The following ATP2B2 variants were observed in gnomAD, a reference collection of about 807,000 sequenced individuals.
The protein encoded by ATP2B2 is ATPase plasma membrane Ca2+ transporting 2.
Under a neutral mutation model 120.0 loss-of-function variants are expected in ATP2B2, and 15 were observed. That is an observed-to-expected ratio of 0.12 (90% CI 0.08 to 0.19). The LOEUF is 0.19. Among genes scored for constraint, ATP2B2 ranks in the 10% least tolerant of loss-of-function variants. The pLI is 1.00. For missense variants in ATP2B2, 1,045 were observed against 1,719.8 expected, an observed-to-expected ratio of 0.61 and a Z score of 6.94; for synonymous variants, 694 against 700.3, an observed-to-expected ratio of 0.99 and a Z score of 0.14.
intron 1 of ATP2B2, among the ~76,000 whole-genome samples, chr3:10,692,461 G>A (rs1012911338): frequency 3.3e-5 from 5 of 152,316 alleles, no homozygotes; most frequent in African/African-American, 7.2e-5. Flanking sequence ...GGGACACATC[G>A]AGGTCACGAT....
At chr3:10,655,168 A>C (rs2117398) in intron 1 of ATP2B2, among the ~76,000 whole-genome samples, 33,653 of 152,172 alleles carry the variant, frequency 0.22, 6,242 homozygotes, top group African/African-American at 0.5. Context: ...AATGGAAATG[A>C]CAAGCTATGT....
At chr3:10,536,455 C>G (rs1021195464) in intron 2 of ATP2B2, among the ~76,000 whole-genome samples, 3 of 149,744 alleles carry the variant, frequency 2.0e-5, no homozygotes, top group Non-Finnish European at 4.4e-5. Flanking sequence ...GTCTTTCTTC[C>G]TCTCCTTCCT....
chr3:10,686,538 C>T (rs898043056), intron 1 of ATP2B2, among the ~76,000 whole-genome samples: 1 of 152,096 alleles, frequency 6.6e-6, no homozygotes, highest in African/African-American at 2.4e-5. Context: ...CCTGTAGTCC[C>T]AGCTACTCGG....
chr3:10,504,058 G>T (rs2066502757), intron 1 of ATP2B2, among the ~76,000 whole-genome samples: 1 of 152,160 alleles, frequency 6.6e-6, no homozygotes, highest in East Asian at 1.9e-4. Context: ...TACTATATTT[G>T]TATCTGTGCA....
chr3:10,449,353 G>C lies in ATP2B2; in HGVS notation c.191C>G (p.Pro64Arg), dbSNP rs759648002. The C allele has an allele frequency of 1.9e-6, 3 of 1,614,102 alleles. No individual in the cohort carries two copies. Among genetic ancestry groups the C allele is most frequent in the East Asian group, 4.5e-5 (2 of 44,896 alleles). The change falls in exon 2 of 23, where the codon CCT (proline) becomes CGT (arginine). Residue 64 changes from proline to arginine, a missense_variant. Physicochemically the swap from Pro to Arg is moderately radical, Grantham distance 103. Coordinates refer to ENST00000360273, the MANE Select transcript of ATP2B2 (RefSeq NM_001001331.4). ...AAGTCTTGAACACTTACCTTCAACA[G>C]GTGAGGTTTTGAGGCGCCGGCAGAT... ...EAICRRLKTS[P>R]VEGLPGTAPD...
chr3:10,531,623 C>T (rs1274178220), intron 3 of ATP2B2, among the ~76,000 whole-genome samples: 1 of 152,208 alleles, frequency 6.6e-6, no homozygotes, highest in African/African-American at 2.4e-5. Context: ...ATTCAACCAA[C>T]ATGGGTTGTA....
chr3:10,689,702 A>G (rs1286204709), intron 1 of ATP2B2, among the ~76,000 whole-genome samples: 1 of 152,140 alleles, frequency 6.6e-6, no homozygotes, highest in African/African-American at 2.4e-5. Context: ...CCTGTCATGG[A>G]CCAGCATTGC....
At chr3:10,355,110 C>A (rs1183639589) in intron 14 of ATP2B2, among the ~76,000 whole-genome samples, 1 of 152,172 alleles carries the variant, frequency 6.6e-6, no homozygotes, top group African/African-American at 2.4e-5. Context: ...GCCATACCCA[C>A]CCGTCTCCTT....
At chr3:10,623,804 G>T (rs570902199) in intron 1 of ATP2B2, among the ~76,000 whole-genome samples, 1 of 152,150 alleles carries the variant, frequency 6.6e-6, no homozygotes, top group Non-Finnish European at 1.5e-5. Context: ...TTCAGCCCAC[G>T]TGAACCTCAT....
chr3:10,388,063 G>A, intron 6 of ATP2B2: 3 of 621,584 alleles, frequency 4.8e-6, no homozygotes, highest in Non-Finnish European at 8.4e-6. Context: ...TCCATGACAT[G>A]ATTGGACAAG....
At chr3:10,424,272 C>T (rs531647468) in intron 2 of ATP2B2, among the ~76,000 whole-genome samples, 8 of 152,220 alleles carry the variant, frequency 5.3e-5, no homozygotes, top group Non-Finnish European at 7.3e-5. Context: ...CAGGGTCATA[C>T]GGCTAAAGCT....
chr3:10,664,013 T>C (rs2070858757), intron 1 of ATP2B2, among the ~76,000 whole-genome samples: 1 of 152,106 alleles, frequency 6.6e-6, no homozygotes, highest in Non-Finnish European at 1.5e-5. Context: ...ACAGCAAGCA[T>C]CTTACAAGTG....
At chr3:10,622,233 G>A (rs376784783) in intron 1 of ATP2B2, among the ~76,000 whole-genome samples, 1 of 152,144 alleles carries the variant, frequency 6.6e-6, no homozygotes, top group African/African-American at 2.4e-5. Flanking sequence ...TTTATCAGCC[G>A]TGCCCCCATC....
intron 13 of ATP2B2, 25 bp downstream of exon 13, chr3:10,359,857 C>A (rs372945066): frequency 5.2e-5 from 84 of 1,613,954 alleles, no homozygotes; most frequent in Non-Finnish European, 6.8e-5. Context: ...CAGCCCTCAG[C>A]CCCGGTGCCC....
intron 2 of ATP2B2, among the ~76,000 whole-genome samples, chr3:10,560,963 G>A (rs1166865348): frequency 6.6e-6 from 1 of 152,074 alleles, no homozygotes; most frequent in African/African-American, 2.4e-5. Flanking sequence ...CCTTCTGCCT[G>A]GAACACTCGT....
intron 3 of ATP2B2, among the ~76,000 whole-genome samples, chr3:10,512,479 C>CTCACAG (rs1559431472): frequency 8.0e-5 from 6 of 74,760 alleles, no homozygotes; most frequent in African/African-American, 3.3e-4. Context: ...CACACACACA[C>CTCACAG]ACACACACAC....
At chr3:10,471,364 C>CTGAG (rs1221371075) in intron 1 of ATP2B2, among the ~76,000 whole-genome samples, 1,785 of 150,462 alleles carry the variant, frequency 0.012, 26 homozygotes, top group Non-Finnish European at 0.016. Context: ...TTCAGGAAAC[C>CTGAG]TGTGTGTGTG....
At chr3:10,452,052 A>G (rs2064075409) in intron 1 of ATP2B2, among the ~76,000 whole-genome samples, 1 of 152,244 alleles carries the variant, frequency 6.6e-6, no homozygotes, top group Non-Finnish European at 1.5e-5. Context: ...AAGCAAACAG[A>G]CACTGTCTCA....
chr3:10,693,992 G>A (rs2071706539), intron 1 of ATP2B2, among the ~76,000 whole-genome samples: 1 of 152,168 alleles, frequency 6.6e-6, no homozygotes, highest in South Asian at 2.1e-4. Context: ...TTTTTATTTG[G>A]AAGTAAAGGT....
Sources: allele counts gnomAD v4.1 joint callset (sites outside exome capture counted in the v4.1 genomes callset), GRCh38; gene constraint gnomAD v4.1.1; transcripts MANE v1.5; gene names NCBI Gene and HGNC (gene_info 2026-07-23, HGNC 2026-07-21).